Variants in LRRC7 observed in about 807,000 individuals in gnomAD.
LRRC7 encodes leucine-rich repeat-containing protein 7.
Under a neutral mutation model 175.7 loss-of-function variants are expected in LRRC7, and 23 were observed. That is an observed-to-expected ratio of 0.13 (90% confidence interval 0.09 to 0.19). The LOEUF (loss-of-function observed/expected upper bound fraction) is 0.19. Among genes scored for constraint, LRRC7 ranks in the 10% least tolerant of loss-of-function variants. The pLI, the probability that LRRC7 is intolerant of heterozygous loss-of-function variation, is 1.00. For synonymous variants in LRRC7, 685 were observed against 680.9 expected (o/e 1.01, Z -0.09); for missense variants, 1,354 against 1,904.7 (o/e 0.71, Z 5.38).
chr1:69,843,074 C>A (rs985635331), intron 7 of LRRC7, among the ~76,000 whole-genome samples: 6 of 151,984 alleles, frequency 3.9e-5, no homozygotes, highest in Non-Finnish European at 7.4e-5. Flanking sequence ...TGGCATACAC[C>A]TGTAACCCCA....
chr1:70,106,381 T>C (rs1202025128), intron 25 of LRRC7, among the ~76,000 whole-genome samples: 1 of 152,206 alleles, frequency 6.6e-6, no homozygotes, highest in Non-Finnish European at 1.5e-5. Context: ...ATAAATGGAA[T>C]TGTATAATAT....
rs190527283 is a variant in LRRC7, at chr1:69,591,630, C to G, written c.2+22989C>G. 2.0e-5 allele frequency among the ~76,000 whole-genome samples: 3 copies of G among 152,114 alleles called. No homozygotes were observed. The East Asian group carries it at 5.8e-4, about 29-fold the overall frequency. On this transcript the variant is annotated intron_variant, in intron 1 of 26. Transcript: ENST00000651989. ...TCCACAGTTTTACATAATCCAATAT[C>G]ACCAAGATAAATATTTTTATTTTTC...
intron 4 of LRRC7, among the ~76,000 whole-genome samples, chr1:69,819,785 A>C (rs900398689): frequency 6.6e-6 from 1 of 152,080 alleles, no homozygotes; most frequent in African/African-American, 2.4e-5. Flanking sequence ...TGACACTTTT[A>C]TCATTATATA....
chr1:70,025,903 T>C (rs940997821), intron 17 of LRRC7, among the ~76,000 whole-genome samples: 2 of 151,960 alleles, frequency 1.3e-5, no homozygotes, highest in Admixed American at 6.6e-5. Context: ...TCACAAGACT[T>C]TGGAAGAGGT....
At position 69,911,771 on chromosome 1, in the gene LRRC7, C is replaced by T. The variant is rs145138581; in HGVS notation, c.648-19736C>T. On this transcript the variant is annotated intron_variant, in intron 7 of 26. Transcript: ENST00000651989. Reference sequence around the variant, plus strand: ...TAGCCATGGCTACTTTGGCAGATTACTTTTAAAGGTCCTTAGCCTCTAAAG... The same window carrying T: ...TAGCCATGGCTACTTTGGCAGATTATTTTTAAAGGTCCTTAGCCTCTAAAG... Among the ~76,000 whole-genome samples, 205 of 152,278 alleles carry T rather than the reference C, an allele frequency of 1.3e-3. 1 individual carries two copies. The Middle Eastern group carries it at 0.014, about 10-fold the overall frequency.
chr1:70,092,617 T>C (rs1571303594), intron 25 of LRRC7, among the ~76,000 whole-genome samples: 2 of 152,216 alleles, frequency 1.3e-5, no homozygotes, highest in Non-Finnish European at 2.9e-5. Context: ...CAATGTGAGA[T>C]AGCATCCAAA....
In LRRC7 at chr1:69,731,780, G is replaced by A. The variant is rs181109080; in HGVS notation, c.101-28411G>A. ...ATCTATACAAGGATTCTCTATTGAT[G>A]AATTTTGAAAGAGGGAGAATATCAT... On this transcript the variant is annotated intron_variant, in intron 2 of 26. Coordinates refer to ENST00000651989, the MANE Select transcript of LRRC7 (RefSeq NM_001370785.2). Among the ~76,000 whole-genome samples, 536 of 152,254 alleles carry A rather than the reference G, an allele frequency of 3.5e-3. 3 individuals carry two copies. Among genetic ancestry groups the A allele is most frequent in the Admixed American group, 8.9e-3 (136 of 15,294 alleles).
At chr1:69,895,346 CTT>C (rs1433604588) in intron 7 of LRRC7, among the ~76,000 whole-genome samples, 1 of 152,062 alleles carries the variant, frequency 6.6e-6, no homozygotes, top group Non-Finnish European at 1.5e-5. Flanking sequence ...CACAAGGAAA[CTT>C]TTGGAGGTGA....
intron 24 of LRRC7, among the ~76,000 whole-genome samples, chr1:70,081,756 A>T (rs1214421689): frequency 6.6e-6 from 1 of 152,202 alleles, no homozygotes; most frequent in Non-Finnish European, 1.5e-5. Context: ...TCTGCCCTGG[A>T]CAAGGGGACC....
At chr1:69,922,141 G>T (rs1388513352) in intron 7 of LRRC7, among the ~76,000 whole-genome samples, 2 of 152,140 alleles carry the variant, frequency 1.3e-5, no homozygotes, top group Admixed American at 6.5e-5. Context: ...GGCCAGGCTG[G>T]TCTCGAACTC....
intron 8 of LRRC7, among the ~76,000 whole-genome samples, chr1:69,940,781 T>G (rs1427252332): frequency 6.6e-6 from 1 of 152,120 alleles, no homozygotes; most frequent in South Asian, 2.1e-4. Context: ...AAAAATTATA[T>G]TTAAAGTAAT....
chr1:70,006,626 T>C (rs1413573167), intron 11 of LRRC7, among the ~76,000 whole-genome samples: 1 of 152,134 alleles, frequency 6.6e-6, no homozygotes, highest in Admixed American at 6.5e-5. Context: ...CTGGGTGCCC[T>C]ACAGTTTAAC....
chr1:69,619,086 G>A (rs1650143096), intron 1 of LRRC7, among the ~76,000 whole-genome samples: 1 of 107,736 alleles, frequency 9.3e-6, no homozygotes, highest in South Asian at 2.9e-4. Context: ...TGTGTTTGGT[G>A]GAAGGGTCAG....
intron 1 of LRRC7, among the ~76,000 whole-genome samples, chr1:69,576,339 T>C (rs548624418): frequency 6.6e-6 from 1 of 152,260 alleles, no homozygotes; most frequent in South Asian, 2.1e-4. Context: ...AAGACAAATT[T>C]GAAATAAACG....
chr1:70,004,499 G>GTT (rs202242828), intron 11 of LRRC7, among the ~76,000 whole-genome samples: 1 of 152,240 alleles, frequency 6.6e-6, no homozygotes, highest in East Asian at 1.9e-4. Context: ...CTTTGTGTGT[G>GTT]TTTAGGCCTT....
At chr1:69,913,654 G>A in intron 7 of LRRC7, among the ~76,000 whole-genome samples, 1 of 152,036 alleles carries the variant, frequency 6.6e-6, no homozygotes, top group Non-Finnish European at 1.5e-5. Context: ...TGGGATTACA[G>A]GCACCCATGA....
chr1:70,068,121 T>C (rs1173295111), intron 23 of LRRC7, among the ~76,000 whole-genome samples: 1 of 152,182 alleles, frequency 6.6e-6, no homozygotes, highest in Admixed American at 6.6e-5. Flanking sequence ...ATTATTTCAC[T>C]GACTACAACT....
At chr1:69,778,615 G>A (rs1455954041) in intron 3 of LRRC7, among the ~76,000 whole-genome samples, 3 of 152,084 alleles carry the variant, frequency 2.0e-5, no homozygotes, top group Non-Finnish European at 4.4e-5. Flanking sequence ...TGGGTTTTTA[G>A]ATTAGAAATG....
chr1:69,704,752 C>T (rs1363826280), intron 2 of LRRC7, among the ~76,000 whole-genome samples: 1 of 151,766 alleles, frequency 6.6e-6, no homozygotes, highest in Non-Finnish European at 1.5e-5. Flanking sequence ...ACTTCAAGCC[C>T]AGATATAACA....
Sources: allele counts gnomAD v4.1 joint callset (sites outside exome capture counted in the v4.1 genomes callset), GRCh38; gene constraint gnomAD v4.1.1; transcripts MANE v1.5; gene names NCBI Gene and HGNC (gene_info 2026-07-23, HGNC 2026-07-21).